The following NAV2 variants were observed in gnomAD, a reference collection of about 807,000 sequenced individuals.
NAV2 encodes the protein helicase, APC down-regulated 1.
In NAV2, 54 loss-of-function variants were observed where a neutral mutation model predicts 223.2. The observed-to-expected ratio is 0.24, with a 90% CI of 0.19 to 0.30. The LOEUF (loss-of-function observed/expected upper bound fraction) is 0.30, where lower values mean the gene tolerates loss of function less well. Among genes scored for constraint, NAV2 ranks in the 10% least tolerant of loss-of-function variants. The pLI, the probability that NAV2 is intolerant of heterozygous loss-of-function variation, is 1.00. For missense variants in NAV2, 2,806 were observed against 3,147.5 expected, an observed-to-expected ratio of 0.89 and a Z score of 2.60; for synonymous variants, 1,279 against 1,239.3, an observed-to-expected ratio of 1.03 and a Z score of -0.67.
chr11:19,390,142 G>T (rs974450281), intron 1 of NAV2, among the ~76,000 whole-genome samples: 1 of 152,178 alleles, frequency 6.6e-6, no homozygotes, highest in African/African-American at 2.4e-5. Context: ...TCCATTCCAG[G>T]ATCCTCACCA....
intron 1 of NAV2, among the ~76,000 whole-genome samples, chr11:19,383,576 C>T (rs182474122): frequency 6.6e-6 from 1 of 152,314 alleles, no homozygotes; most frequent in Admixed American, 6.5e-5. Flanking sequence ...CTGAGAGAAT[C>T]AAGTTTTGAA....
At position 19,490,928 on chromosome 11, in the gene NAV2, G is replaced by A. The variant is rs1044472120; in HGVS notation, c.75+139901G>A. Among the ~76,000 whole-genome samples the A allele has an allele frequency of 1.2e-4, 18 of 152,168 alleles. No homozygotes were observed. In the South Asian group the frequency reaches 2.1e-3, roughly 18 times the overall value. ...CCCTGGGTAGCAGAATGGATGCTAT[G>A]TTAACAGGCAGAAAAATAGCATTAA... is the stretch of plus-strand genomic sequence containing the variant. On this transcript the variant is annotated intron_variant, in intron 1 of 37. Transcript: ENST00000360655.
intron 1 of NAV2, among the ~76,000 whole-genome samples, chr11:19,497,890 G>A (rs1296515855): frequency 6.6e-6 from 1 of 152,194 alleles, no homozygotes; most frequent in Non-Finnish European, 1.5e-5. Flanking sequence ...TGGAACAGCA[G>A]ACTCTAGGAA....
chr11:20,113,263 G>A (rs763115256), intron 36 of NAV2, among the ~76,000 whole-genome samples: 3 of 152,160 alleles, frequency 2.0e-5, no homozygotes, highest in Non-Finnish European at 2.9e-5. Context: ...CAAGGTATTC[G>A]TAAAGCATTT....
chr11:19,933,370 G>T lies in NAV2; in HGVS notation c.1126G>T (p.Val376Phe), dbSNP rs780761494. The T allele has an allele frequency of 3.1e-6, 5 of 1,592,644 alleles. No individual in the cohort carries two copies. In the South Asian group the frequency reaches 5.6e-5, roughly 18 times the overall value. Reference sequence around the variant, plus strand: ...CAGTGCCACGGTATCCATGCTCTCGGTCAAGCCTCCTGGGCCTGAGGCCCC... The same window carrying T: ...CAGTGCCACGGTATCCATGCTCTCGTTCAAGCCTCCTGGGCCTGAGGCCCC... ...KHSATVSMLSVKPPGPEAPRP... is the reference protein window; with the variant it reads ...KHSATVSMLSFKPPGPEAPRP... The change falls in exon 7 of 38, where the codon GTC becomes TTC. Residue 376 changes from valine to phenylalanine, a missense_variant. Physicochemically the swap from Val to Phe is conservative, Grantham distance 50. Coordinates refer to ENST00000349880, the MANE Select transcript of NAV2 (RefSeq NM_145117.5). The surrounding 1 kb of genome is among the most constrained non-coding windows in gnomAD (Gnocchi z 4.3).
intron 1 of NAV2, among the ~76,000 whole-genome samples, chr11:19,732,755 G>A (rs1166624203): frequency 3.3e-5 from 5 of 152,218 alleles, no homozygotes; most frequent in African/African-American, 1.2e-4. Flanking sequence ...ATACCTGGGT[G>A]TTTCCTGGAG....
At chr11:19,846,250 A>T (rs544398471) in intron 3 of NAV2, among the ~76,000 whole-genome samples, 1 of 152,334 alleles carries the variant, frequency 6.6e-6, no homozygotes, top group African/African-American at 2.4e-5. Context: ...ACAAACAATC[A>T]TCCATTGATT....
At chr11:19,446,988 G>T (rs1851608704) in intron 1 of NAV2, among the ~76,000 whole-genome samples, 1 of 152,186 alleles carries the variant, frequency 6.6e-6, no homozygotes, top group African/African-American at 2.4e-5. Flanking sequence ...GTGAGGAAAA[G>T]AACATTGCAT....
chr11:19,830,666 A>G (rs942723911), intron 1 of NAV2, among the ~76,000 whole-genome samples: 1 of 152,240 alleles, frequency 6.6e-6, no homozygotes, highest in Admixed American at 6.5e-5. Flanking sequence ...GGCATACGTC[A>G]TTAAACAAAA....
At chr11:19,831,309 G>A (rs11025277) in intron 1 of NAV2, among the ~76,000 whole-genome samples, 51,039 of 146,078 alleles carry the variant, frequency 0.35, 9,392 homozygotes, top group Middle Eastern at 0.51. Flanking sequence ...AGAACAGGAT[G>A]GAGGGTGAGG....
At chr11:19,346,046 T>C (rs1852987765), upstream of NAV2, among the ~76,000 whole-genome samples, 1 of 152,166 alleles carries the variant, frequency 6.6e-6, no homozygotes, top group Admixed American at 6.5e-5. Flanking sequence ...CTCCTCTCTG[T>C]GTGCTAGTCT....
At chr11:19,834,505 T>C (rs2060129996) in intron 2 of NAV2, among the ~76,000 whole-genome samples, 2 of 152,162 alleles carry the variant, frequency 1.3e-5, no homozygotes, top group Non-Finnish European at 1.5e-5. Flanking sequence ...TACTCCTTGC[T>C]AAGAATAAAT....
intron 3 of NAV2, 141 bp from the exon 4 acceptor site, chr11:19,868,784 C>A (rs980421061): frequency 1.5e-4 from 107 of 710,568 alleles, no homozygotes; most frequent in Non-Finnish European, 2.2e-4. Context: ...TGTGCAAGTA[C>A]AGACAAAAGA....
intron 1 of NAV2, among the ~76,000 whole-genome samples, chr11:19,443,152 G>T (rs1418350362): frequency 6.6e-6 from 1 of 152,196 alleles, no homozygotes; most frequent in Non-Finnish European, 1.5e-5. Context: ...TTGTCCTGCT[G>T]CCACCTATGG....
intron 1 of NAV2, among the ~76,000 whole-genome samples, chr11:19,571,635 G>A (rs1479304228): frequency 6.6e-6 from 1 of 152,054 alleles, no homozygotes; most frequent in Non-Finnish European, 1.5e-5. Context: ...GAACCCAGGA[G>A]GTGGAGGTTG....
At chr11:20,053,656 G>A (rs2058169541) in intron 17 of NAV2, among the ~76,000 whole-genome samples, 1 of 152,112 alleles carries the variant, frequency 6.6e-6, no homozygotes, top group Non-Finnish European at 1.5e-5. Flanking sequence ...GTGATTCATG[G>A]TCATTTATTT....
intron 1 of NAV2, among the ~76,000 whole-genome samples, chr11:19,636,359 G>T (rs1381965961): frequency 6.6e-6 from 1 of 152,170 alleles, no homozygotes; most frequent in Non-Finnish European, 1.5e-5. Flanking sequence ...GGAAGGCCCT[G>T]CCTGTAACTT....
In NAV2 at chr11:19,713,771, C is replaced by T. The variant is rs770541601; in HGVS notation, c.76C>T (p.His26Tyr). 9 of 1,612,864 alleles carry T rather than the reference C, an allele frequency of 5.6e-6. No individual in the cohort carries two copies. Among genetic ancestry groups the T allele is most frequent in the Admixed American group, 1.7e-5 (1 of 59,980 alleles). ...CGTGCACAGCGCCGCGCCCATCCTG[C>T]ACGTGCCCCCGGCCCGGGCGGGCCC... ...KPVHSAAPIL[H>Y]VPPARAGPQP... Residue 26 changes from histidine (H) to tyrosine (Y), a missense_variant, in exon 1 of 38, where the codon CAC becomes TAC. Transcript: ENST00000349880. The surrounding 1 kb of genome is among the most constrained non-coding windows in gnomAD (Gnocchi z 7.2).
At chr11:19,624,409 C>G (rs1039084161) in intron 1 of NAV2, among the ~76,000 whole-genome samples, 1 of 152,174 alleles carries the variant, frequency 6.6e-6, no homozygotes, top group Non-Finnish European at 1.5e-5. Context: ...CTGCTCAGTT[C>G]GAGCTTCCTG....
Sources: allele counts gnomAD v4.1 joint callset (sites outside exome capture counted in the v4.1 genomes callset), GRCh38; gene constraint gnomAD v4.1.1; non-coding constraint Gnocchi (gnomAD v3.1); transcripts MANE v1.5; gene names NCBI Gene and HGNC (gene_info 2026-07-23, HGNC 2026-07-21).